Variants in NOPCHAP1 observed in about 807,000 individuals in gnomAD.
NOPCHAP1 encodes the protein DNA damage-sensitive RNA 1.
A neutral mutation model predicts 14.0 loss-of-function variants in NOPCHAP1; 13 were observed. The observed-to-expected ratio is 0.93, with a 90% CI of 0.60 to 1.47. NOPCHAP1 has a LOEUF of 1.47. Ranked by LOEUF, NOPCHAP1 falls within the 40% of genes most tolerant of loss-of-function variation. The pLI is 0.00. For synonymous variants in NOPCHAP1, 78 were observed against 78.4 expected (o/e 1.00, Z 0.03); for missense variants, 230 against 226.9 (o/e 1.01, Z -0.09).
chr12:104,987,626 G>A (rs1349899184), intron 1 of NOPCHAP1, among the ~76,000 whole-genome samples: 4 of 152,294 alleles, frequency 2.6e-5, no homozygotes, highest in Non-Finnish European at 5.9e-5. Flanking sequence ...AGAGAGTTGG[G>A]ATGATTTGAG....
At chr12:104,987,785 G>C (rs1873274925) in intron 1 of NOPCHAP1, among the ~76,000 whole-genome samples, 1 of 152,204 alleles carries the variant, frequency 6.6e-6, no homozygotes, top group Admixed American at 6.5e-5. Flanking sequence ...CAGGTAAGTT[G>C]CCCAGTGTTA....
In NOPCHAP1 at chr12:104,999,423, T is replaced by C. The variant is rs771779301; in HGVS notation, c.*4727T>C. 2.0e-5 allele frequency: 3 copies of C among 152,388 alleles called. No homozygotes were observed. Among genetic ancestry groups the C allele is most frequent in the Non-Finnish European group, 4.4e-5 (3 of 68,232 alleles). The allele number at this position is 152,388 out of a possible 1,614,324, so 9.4% of individuals were successfully genotyped here. A position where few individuals can be genotyped will look rare whatever the true frequency, so the allele number is the denominator to read the frequency against. ...CCCCAGGACGCACCCCACCTGGGCA[T>C]CTAAGGCTGCACTGCAAGCAGGGAC... On this transcript the variant is annotated 3_prime_UTR_variant, in exon 4 of 4. Transcript: ENST00000552951.
chr12:104,988,116 GT>G, intron 1 of NOPCHAP1, 50 bp from the exon 2 acceptor site: 1 of 1,421,672 alleles, frequency 7.0e-7, no homozygotes, highest in Admixed American at 1.8e-5. Context: ...ATGGGCCTTT[GT>G]TTTTTTATGC....
rs948936489 is a variant in NOPCHAP1 at position 104,987,270 on chromosome 12, T to G, written c.115+803T>G. On this transcript the variant is annotated intron_variant, in intron 1 of 3. Coordinates refer to ENST00000552951, the MANE Select transcript of NOPCHAP1 (RefSeq NM_152318.3). ...ATGCCCCAGAAACTAACTCATCTAA[T>G]CCTCACAACAACCCTTTGCAGAAAA... Among the ~76,000 whole-genome samples the G allele has an allele frequency of 3.9e-5, 6 of 152,338 alleles. 1 individual carries two copies. Among genetic ancestry groups the G allele is most frequent in the Admixed American group, 1.3e-4 (2 of 15,306 alleles).
Position 105,015,388 on chromosome 12 carries a change from T to C in NOPCHAP1, c.*20692T>C, listed in dbSNP as rs1349938033. 6.6e-6 allele frequency: 1 copy of C among 152,336 alleles called. No individual in the cohort carries two copies. Among genetic ancestry groups the C allele is most frequent in the East Asian group, 1.9e-4 (1 of 5,190 alleles). 9.4% of individuals were successfully genotyped at this position (152,336 alleles called of 1,614,324 possible). ...TGGATTAAATGGATGCATGAAGGTA[T>C]ACAGGAGACTTTAAGCTATCATAGA... On this transcript the variant is annotated 3_prime_UTR_variant, in exon 4 of 4. Transcript: ENST00000552951.
intron 2 of NOPCHAP1, among the ~76,000 whole-genome samples, chr12:104,991,291 T>C (rs1227186524): frequency 6.6e-6 from 1 of 152,176 alleles, no homozygotes; most frequent in African/African-American, 2.4e-5. Context: ...AGGGAACGTA[T>C]GTTGGGTAGG....
Position 105,002,130 on chromosome 12 carries a change from A to AG in NOPCHAP1, c.*7437dup, listed in dbSNP as rs978392088. 6.6e-5 allele frequency: 10 copies of AG among 152,204 alleles called. No individual in the cohort carries two copies. Among genetic ancestry groups the AG allele is most frequent in the Admixed American group, 5.2e-4 (8 of 15,278 alleles). 9.4% of individuals were successfully genotyped at this position (152,204 alleles called of 1,614,324 possible). A position where few individuals can be genotyped will look rare whatever the true frequency, so the allele number is the denominator to read the frequency against. ...CCAGCATCCTAGTTGTTTGCAATGA[A>AG]GGGAGACACCTTAGGGCAAATAATT... is the stretch of plus-strand genomic sequence containing the variant. On this transcript the variant is annotated 3_prime_UTR_variant, in exon 4 of 4. Coordinates refer to ENST00000552951, the MANE Select transcript of NOPCHAP1 (RefSeq NM_152318.3).
rs576912107 is a variant in NOPCHAP1, at chr12:105,010,775, G to A, written c.*16079G>A. 1 of 152,278 alleles carries A rather than the reference G, an allele frequency of 6.6e-6. No homozygotes were observed. Among genetic ancestry groups the A allele is most frequent in the South Asian group, 2.1e-4 (1 of 4,826 alleles). 9.4% of individuals were successfully genotyped at this position (152,278 alleles called of 1,614,324 possible). A position where few individuals can be genotyped will look rare whatever the true frequency, so the allele number is the denominator to read the frequency against. On this transcript the variant is annotated 3_prime_UTR_variant, in exon 4 of 4. Coordinates refer to ENST00000552951, the MANE Select transcript of NOPCHAP1 (RefSeq NM_152318.3). ...GAGCAGGTTGTTCAGTTTCCACATA[G>A]TTGTGCATTTTTTAGTGAATTTCTT...
At chr12:104,988,084 T>A (rs1009245526) in intron 1 of NOPCHAP1, 83 bp from the exon 2 acceptor site, 2 of 1,093,044 alleles carry the variant, frequency 1.8e-6, no homozygotes, top group Admixed American at 2.0e-5. Flanking sequence ...GTCTTAAGAC[T>A]GGTCATGTGA....
At position 104,998,024 on chromosome 12, in the gene NOPCHAP1, G is replaced by C. The variant is rs539780909; in HGVS notation, c.*3328G>C. 1 of 152,288 alleles carries C rather than the reference G, an allele frequency of 6.6e-6. No homozygotes were observed. The highest frequency in any genetic ancestry group is 2.1e-4 in the South Asian group (1 of 4,824). The allele number at this position is 152,288 out of a possible 1,614,324, so 9.4% of individuals were successfully genotyped here. ...GATTGCATTATGCAATTCTTGTAGTGTGTTTTTCAGCTCTGTCAGATCGGT... is the reference window on the plus strand; with the variant it reads ...GATTGCATTATGCAATTCTTGTAGTCTGTTTTTCAGCTCTGTCAGATCGGT... On this transcript the variant is annotated 3_prime_UTR_variant, in exon 4 of 4. Coordinates refer to ENST00000552951, the MANE Select transcript of NOPCHAP1 (RefSeq NM_152318.3).
At position 105,006,181 on chromosome 12, in the gene NOPCHAP1, T is replaced by C. The variant is rs1016521346; in HGVS notation, c.*11485T>C. 1 of 152,258 alleles carries C rather than the reference T, an allele frequency of 6.6e-6. No individual in the cohort carries two copies. Among genetic ancestry groups the C allele is most frequent in the Non-Finnish European group, 1.5e-5 (1 of 68,042 alleles). 9.4% of individuals were successfully genotyped at this position (152,258 alleles called of 1,614,324 possible). On this transcript the variant is annotated 3_prime_UTR_variant, in exon 4 of 4. Coordinates refer to ENST00000552951, the MANE Select transcript of NOPCHAP1 (RefSeq NM_152318.3). Reference sequence around the variant, plus strand: ...GCATGATATCTGGACACAGTTTTTTTCAGCACAAATTTATTGTTTCAGGCT... The same window carrying C: ...GCATGATATCTGGACACAGTTTTTTCCAGCACAAATTTATTGTTTCAGGCT...
chr12:105,012,294 G>T lies in NOPCHAP1; in HGVS notation c.*17598G>T, dbSNP rs1313666611. 1 of 152,106 alleles carries T rather than the reference G, an allele frequency of 6.6e-6. No individual in the cohort carries two copies. Among genetic ancestry groups the T allele is most frequent in the African/African-American group, 2.4e-5 (1 of 41,386 alleles). The allele number at this position is 152,106 out of a possible 1,614,324, so 9.4% of individuals were successfully genotyped here. A position where few individuals can be genotyped will look rare whatever the true frequency, so the allele number is the denominator to read the frequency against. ...GATCGATTAGGCCATTGATACTTGT[G>T]TATGCTTCACGAAGTTCTTGGGCTG... On this transcript the variant is annotated 3_prime_UTR_variant, in exon 4 of 4. Transcript: ENST00000552951.
At position 105,014,970 on chromosome 12, in the gene NOPCHAP1, C is replaced by G. The variant is rs1873915758; in HGVS notation, c.*20274C>G. The G allele has an allele frequency of 6.6e-6, 1 of 152,196 alleles. No homozygotes were observed. The highest frequency in any genetic ancestry group is 2.4e-5 in the African/African-American group (1 of 41,452). 9.4% of individuals were successfully genotyped at this position (152,196 alleles called of 1,614,324 possible). ...AAGGACTATCTGTGAGTGGGCAGAG[C>G]TGATGGAACTTTGTCTGCTAATGTT... On this transcript the variant is annotated 3_prime_UTR_variant, in exon 4 of 4. Transcript: ENST00000552951.
chr12:105,008,196 C>G lies in NOPCHAP1; in HGVS notation c.*13500C>G, dbSNP rs1873744825. The G allele has an allele frequency of 6.6e-6, 1 of 151,526 alleles. No individual in the cohort carries two copies. Among genetic ancestry groups the G allele is most frequent in the Admixed American group, 6.6e-5 (1 of 15,194 alleles). The allele number at this position is 151,526 out of a possible 1,614,324, so 9.4% of individuals were successfully genotyped here. ...GACTTTTTAATGATCGCCATTCTAA[C>G]TGGTAACTCATTGTGGTTTTGATTT... On this transcript the variant is annotated 3_prime_UTR_variant, in exon 4 of 4. Coordinates refer to ENST00000552951, the MANE Select transcript of NOPCHAP1 (RefSeq NM_152318.3).
Position 105,005,540 on chromosome 12 carries a change from G to A in NOPCHAP1, c.*10844G>A, listed in dbSNP as rs1453290582. ...AGTGAAGTTACAAAGTTGTAACCCTGCGCAAAGACTAGGCTTGTGACCAGT... is the reference window on the plus strand; with the variant it reads ...AGTGAAGTTACAAAGTTGTAACCCTACGCAAAGACTAGGCTTGTGACCAGT... On this transcript the variant is annotated 3_prime_UTR_variant, in exon 4 of 4. Transcript: ENST00000552951. 6.6e-6 allele frequency: 1 copy of A among 152,230 alleles called. No individual in the cohort carries two copies. Among genetic ancestry groups the A allele is most frequent in the Admixed American group, 6.5e-5 (1 of 15,284 alleles). 9.4% of individuals were successfully genotyped at this position (152,230 alleles called of 1,614,324 possible). A position where few individuals can be genotyped will look rare whatever the true frequency, so the allele number is the denominator to read the frequency against.
chr12:105,003,247 A>C lies in NOPCHAP1; in HGVS notation c.*8551A>C, dbSNP rs1033778745. The C allele has an allele frequency of 2.0e-5, 3 of 152,202 alleles. No homozygotes were observed. Among genetic ancestry groups the C allele is most frequent in the Non-Finnish European group, 4.4e-5 (3 of 68,002 alleles). 9.4% of individuals were successfully genotyped at this position (152,202 alleles called of 1,614,324 possible). A position where few individuals can be genotyped will look rare whatever the true frequency, so the allele number is the denominator to read the frequency against. ...TCCCACTGTGGGCCACTGGAATTCT[A>C]ATTTTTTTTGTGTGTGTGTGAGTTT... On this transcript the variant is annotated 3_prime_UTR_variant, in exon 4 of 4. Coordinates refer to ENST00000552951, the MANE Select transcript of NOPCHAP1 (RefSeq NM_152318.3).
At position 104,997,750 on chromosome 12, in the gene NOPCHAP1, T is replaced by C. The variant is rs1018875395; in HGVS notation, c.*3054T>C. Reference sequence around the variant, plus strand: ...TCCTGAATTTGAATGTTGGCCTCTCTAGCAAGGTTGGGGAAGTTTTCATCA... The same window carrying C: ...TCCTGAATTTGAATGTTGGCCTCTCCAGCAAGGTTGGGGAAGTTTTCATCA... On this transcript the variant is annotated 3_prime_UTR_variant, in exon 4 of 4. Transcript: ENST00000552951. 2 of 152,212 alleles carry C rather than the reference T, an allele frequency of 1.3e-5. No individual in the cohort carries two copies. The highest frequency in any genetic ancestry group is 4.8e-5 in the African/African-American group (2 of 41,458). The allele number at this position is 152,212 out of a possible 1,614,324, so 9.4% of individuals were successfully genotyped here. A position where few individuals can be genotyped will look rare whatever the true frequency, so the allele number is the denominator to read the frequency against.
intron 1 of NOPCHAP1, among the ~76,000 whole-genome samples, chr12:104,986,871 C>T (rs1453490030): frequency 6.6e-6 from 1 of 152,176 alleles, no homozygotes; most frequent in African/African-American, 2.4e-5. Context: ...TGCTAACAGT[C>T]CCTACCTCTT....
At position 104,995,766 on chromosome 12, in the gene NOPCHAP1, T is replaced by G. The variant is rs1361016574; in HGVS notation, c.*1070T>G. On this transcript the variant is annotated 3_prime_UTR_variant, in exon 4 of 4. Coordinates refer to ENST00000552951, the MANE Select transcript of NOPCHAP1 (RefSeq NM_152318.3). ...CGCGATCTCAGCTCACTACAAGCTC[T>G]GCCTCCCGGGTTCACGCCATTCTCC... 1.3e-5 allele frequency: 2 copies of G among 152,050 alleles called. No homozygotes were observed. Among genetic ancestry groups the G allele is most frequent in the East Asian group, 3.9e-4 (2 of 5,186 alleles). 9.4% of individuals were successfully genotyped at this position (152,050 alleles called of 1,614,324 possible).
Sources: gnomAD v4.1 joint callset for allele counts (sites outside exome capture counted in the v4.1 genomes callset) on GRCh38, gnomAD v4.1.1 for gene constraint, MANE v1.5 for transcripts, NCBI Gene and HGNC (gene_info 2026-07-23, HGNC 2026-07-21) for gene names.